Variants in SEMA3E observed in about 807,000 individuals in gnomAD.
SEMA3E encodes the protein semaphorin 3E.
A neutral mutation model predicts 93.6 loss-of-function variants in SEMA3E; 49 were observed. That is an observed-to-expected ratio of 0.52 (90% confidence interval 0.42 to 0.66). SEMA3E has a LOEUF of 0.66. Ranked by LOEUF, SEMA3E falls within the 30% of genes least tolerant of loss-of-function variation. The pLI is 0.00. For missense variants in SEMA3E, 906 were observed against 964.8 expected (o/e 0.94, Z 0.81); for synonymous variants, 363 against 330.7 (o/e 1.10, Z -1.06).
intron 4 of SEMA3E, among the ~76,000 whole-genome samples, chr7:83,438,365 A>T (rs1789045105): frequency 6.6e-6 from 1 of 152,118 alleles, no homozygotes; most frequent in Non-Finnish European, 1.5e-5. Context: ...TAAACTACAC[A>T]CTATTCAAAG....
intron 2 of SEMA3E, among the ~76,000 whole-genome samples, chr7:83,483,075 G>A (rs1790181857): frequency 6.6e-6 from 1 of 151,380 alleles, no homozygotes; most frequent in Non-Finnish European, 1.5e-5. Context: ...AGTTAACTGG[G>A]GCCTGAAAAA....
intron 2 of SEMA3E, 59 bp downstream of exon 2, chr7:83,490,055 A>G (rs1386334566): frequency 2.6e-6 from 4 of 1,537,612 alleles, no homozygotes; most frequent in Admixed American, 3.4e-5. Context: ...GACAAGTAAC[A>G]TTCTTGAAAT....
intron 10 of SEMA3E, among the ~76,000 whole-genome samples, chr7:83,402,060 C>A (rs897449789): frequency 6.6e-6 from 1 of 151,970 alleles, no homozygotes; most frequent in African/African-American, 2.4e-5. Context: ...TGTACTCTAG[C>A]AATACTTTTG....
intron 1 of SEMA3E, among the ~76,000 whole-genome samples, chr7:83,519,120 G>T (rs12533046): frequency 6.7e-6 from 1 of 150,124 alleles, no homozygotes; most frequent in Admixed American, 6.7e-5. Flanking sequence ...ATCCCTCCCC[G>T]CTACCCCCAC....
chr7:83,455,615 G>A (rs1277844602), intron 4 of SEMA3E, among the ~76,000 whole-genome samples: 2 of 152,106 alleles, frequency 1.3e-5, no homozygotes, highest in Admixed American at 6.5e-5. Context: ...CTGCGAATAC[G>A]GTAAGAAATC....
At chr7:83,442,599 TTTC>T (rs1271470559) in intron 4 of SEMA3E, among the ~76,000 whole-genome samples, 1 of 152,182 alleles carries the variant, frequency 6.6e-6, no homozygotes, top group Non-Finnish European at 1.5e-5. Flanking sequence ...ATTTTTCTCT[TTTC>T]TTTTTTCTAC....
intron 1 of SEMA3E, among the ~76,000 whole-genome samples, chr7:83,604,239 C>T (rs1189335420): frequency 6.6e-6 from 1 of 151,892 alleles, no homozygotes; most frequent in Non-Finnish European, 1.5e-5. Context: ...ATAAGTAAAA[C>T]GCATATACAG....
chr7:83,511,285 GT>G (rs5885362), intron 1 of SEMA3E, among the ~76,000 whole-genome samples: 8,123 of 143,840 alleles, frequency 0.056, 437 homozygotes, highest in African/African-American at 0.15. Flanking sequence ...TCTTAAATAT[GT>G]TTTTTTTTTT....
chr7:83,545,568 A>G (rs199794446), intron 1 of SEMA3E, among the ~76,000 whole-genome samples: 37 of 147,926 alleles, frequency 2.5e-4, no homozygotes, highest in African/African-American at 7.8e-4. Flanking sequence ...AAAAAAAAAA[A>G]AGAAATAGTG....
intron 1 of SEMA3E, among the ~76,000 whole-genome samples, chr7:83,610,563 T>G (rs988973647): frequency 6.6e-6 from 1 of 152,118 alleles, no homozygotes; most frequent in Non-Finnish European, 1.5e-5. Context: ...AATATGATAC[T>G]TTCCTTGAAT....
chr7:83,540,168 C>T lies in SEMA3E; in HGVS notation c.116-49894G>A, dbSNP rs566656390. Among the ~76,000 whole-genome samples the T allele has an allele frequency of 2.0e-5, 3 of 152,240 alleles. No homozygotes were observed. In the South Asian group the frequency reaches 6.2e-4, roughly 32 times the overall value. On this transcript the variant is annotated intron_variant, in intron 1 of 16. Coordinates refer to ENST00000643230, the MANE Select transcript of SEMA3E (RefSeq NM_012431.3). ...AAACTGCTGGGATTACAGGCATGAGCCACTGCTCCTGGCCTAATTTTATTT... is the reference window on the plus strand; with the variant it reads ...AAACTGCTGGGATTACAGGCATGAGTCACTGCTCCTGGCCTAATTTTATTT...
At chr7:83,504,148 C>T (rs1790649942) in intron 1 of SEMA3E, among the ~76,000 whole-genome samples, 2 of 152,056 alleles carry the variant, frequency 1.3e-5, no homozygotes, top group Admixed American at 6.6e-5. Flanking sequence ...TGACATATTA[C>T]CAAAGCAATG....
chr7:83,611,694 C>T (rs1325499518), intron 1 of SEMA3E, among the ~76,000 whole-genome samples: 1 of 151,906 alleles, frequency 6.6e-6, no homozygotes, highest in African/African-American at 2.4e-5. Context: ...TCTTTTCTTT[C>T]TTCCTTCATC....
chr7:83,520,397 C>T (rs1448346035), intron 1 of SEMA3E, among the ~76,000 whole-genome samples: 2 of 152,086 alleles, frequency 1.3e-5, no homozygotes, highest in African/African-American at 4.8e-5. Flanking sequence ...TTCATTTTCT[C>T]CCTTTCTCCA....
chr7:83,537,440 T>G (rs1320916182), intron 1 of SEMA3E, among the ~76,000 whole-genome samples: 3 of 152,174 alleles, frequency 2.0e-5, no homozygotes, highest in Non-Finnish European at 4.4e-5. Flanking sequence ...TAGAGACATT[T>G]TTAGTTGTCA....
At chr7:83,437,260 T>A (rs1271323162) in intron 4 of SEMA3E, among the ~76,000 whole-genome samples, 1 of 152,166 alleles carries the variant, frequency 6.6e-6, no homozygotes, top group Non-Finnish European at 1.5e-5. Flanking sequence ...TAAAGTTTGA[T>A]TATCACTTCA....
At chr7:83,592,086 T>G (rs1053640259) in intron 1 of SEMA3E, among the ~76,000 whole-genome samples, 44 of 152,256 alleles carry the variant, frequency 2.9e-4, no homozygotes, top group African/African-American at 1.0e-3. Context: ...TATATATTAA[T>G]GAATATTTTA....
intron 1 of SEMA3E, among the ~76,000 whole-genome samples, chr7:83,560,279 G>T (rs1045566749): frequency 2.2e-4 from 34 of 152,018 alleles, no homozygotes; most frequent in African/African-American, 8.2e-4. Flanking sequence ...CAACTCTGGT[G>T]AAGAATATTG....
At chr7:83,468,305 A>G (rs1344859072) in intron 3 of SEMA3E, among the ~76,000 whole-genome samples, 1 of 152,184 alleles carries the variant, frequency 6.6e-6, no homozygotes, top group African/African-American at 2.4e-5. Context: ...TGGTGAAAAT[A>G]TGTGTTGTTT....
Sources: allele counts gnomAD v4.1 joint callset (sites outside exome capture counted in the v4.1 genomes callset), GRCh38; gene constraint gnomAD v4.1.1; transcripts MANE v1.5; gene names NCBI Gene and HGNC (gene_info 2026-07-23, HGNC 2026-07-21).